The following WDR70 variants were observed in gnomAD, a reference collection of about 807,000 sequenced individuals.
WDR70 encodes the protein WD repeat-containing protein 70.
WDR70 carries 53 observed loss-of-function variants against 88.6 expected under a neutral mutation model. That is an observed-to-expected ratio of 0.60 (90% confidence interval 0.48 to 0.75). The LOEUF (loss-of-function observed/expected upper bound fraction) is 0.75. WDR70 is among the 30% of genes least tolerant of loss of function. The pLI is 0.00. For synonymous variants in WDR70, 280 were observed against 270.0 expected (o/e 1.04, Z -0.36); for missense variants, 610 against 823.2 (o/e 0.74, Z 3.17).
At chr5:37,385,869 T>C (rs1452165540) in intron 3 of WDR70, among the ~76,000 whole-genome samples, 3 of 152,028 alleles carry the variant, frequency 2.0e-5, no homozygotes, top group Admixed American at 6.6e-5. Context: ...AGTGGTGCGA[T>C]CTCGACTCAC....
intron 7 of WDR70, among the ~76,000 whole-genome samples, chr5:37,475,214 C>T (rs1186662194): frequency 1.3e-5 from 2 of 150,914 alleles, no homozygotes; most frequent in South Asian, 4.2e-4. Context: ...GCCACGGTAC[C>T]CATCCTTGTT....
At position 37,573,627 on chromosome 5, in the gene WDR70, G is replaced by A. The variant is rs1385729975; in HGVS notation, c.918-31437G>A. On this transcript the variant is annotated intron_variant, in intron 9 of 17. Coordinates refer to ENST00000265107, the MANE Select transcript of WDR70 (RefSeq NM_018034.4). ...TTCCCACCTATGAATGAGAACATGCGGTGTTTGGTTTTTTGTCCTTGCGAT... is the reference window on the plus strand; with the variant it reads ...TTCCCACCTATGAATGAGAACATGCAGTGTTTGGTTTTTTGTCCTTGCGAT... Among the ~76,000 whole-genome samples, 5 of 148,392 alleles carry A rather than the reference G, an allele frequency of 3.4e-5. 1 individual carries two copies. The highest frequency in any genetic ancestry group is 6.4e-3 in the Middle Eastern group (2 of 312).
rs552593196 is a variant in WDR70, at chr5:37,516,696, G to A, written c.917+106G>A. The A allele has an allele frequency of 1.1e-3, 391 of 359,214 alleles. 5 individuals are homozygous for A. Among genetic ancestry groups the A allele is most frequent in the South Asian group, 6.2e-3 (85 of 13,680 alleles). 22.3% of individuals were successfully genotyped at this position (359,214 alleles called of 1,614,324 possible). ...AGTAATGTAGTAAGTGGAATATTAG[G>A]AATTCTTATTATATACATATATATA... On this transcript the variant is annotated intron_variant, in intron 9 of 17. Coordinates refer to ENST00000265107, the MANE Select transcript of WDR70 (RefSeq NM_018034.4).
At chr5:37,393,527 C>G (rs1748912954) in intron 4 of WDR70, among the ~76,000 whole-genome samples, 1 of 151,654 alleles carries the variant, frequency 6.6e-6, no homozygotes, top group Non-Finnish European at 1.5e-5. Flanking sequence ...GTACTGTTTT[C>G]TTTGTTTTCC....
intron 8 of WDR70, chr5:37,506,145 A>C: frequency 9.3e-7 from 1 of 1,074,366 alleles, no homozygotes; most frequent in Admixed American, 1.7e-5. Flanking sequence ...TTTGAAGTTA[A>C]TGTATCGAAG....
chr5:37,652,184 A>G (rs540075837), intron 10 of WDR70, among the ~76,000 whole-genome samples: 2 of 152,310 alleles, frequency 1.3e-5, no homozygotes, highest in South Asian at 2.1e-4. Context: ...AACACCATTT[A>G]TTACATAGGG....
At chr5:37,657,925 A>G (rs1342657837) in intron 10 of WDR70, among the ~76,000 whole-genome samples, 1 of 152,246 alleles carries the variant, frequency 6.6e-6, no homozygotes, top group Non-Finnish European at 1.5e-5. Flanking sequence ...CGCAGAAATT[A>G]ACCTCTAGTA....
At chr5:37,519,311 C>T (rs560231235) in intron 9 of WDR70, among the ~76,000 whole-genome samples, 24 of 149,520 alleles carry the variant, frequency 1.6e-4, no homozygotes, top group Admixed American at 4.7e-4. Context: ...AGAAGATGGG[C>T]GGCTGGGCAG....
At chr5:37,497,673 TTTAA>T (rs1178391133) in intron 8 of WDR70, among the ~76,000 whole-genome samples, 1 of 152,124 alleles carries the variant, frequency 6.6e-6, no homozygotes, top group African/African-American at 2.4e-5. Flanking sequence ...TTTCTCTTTT[TTTAA>T]TTAATTATTT....
chr5:37,560,033 T>A (rs554638334), intron 9 of WDR70, among the ~76,000 whole-genome samples: 41 of 152,252 alleles, frequency 2.7e-4, no homozygotes, highest in African/African-American at 9.1e-4. Flanking sequence ...ATTTTTAATG[T>A]TTTTTAGAAT....
chr5:37,381,946 G>A (rs1748438284), intron 3 of WDR70: 6 of 333,344 alleles, frequency 1.8e-5, no homozygotes, highest in Admixed American at 3.8e-5. Flanking sequence ...CCAGCTAGTC[G>A]TGAGGCTGAG....
At position 37,643,453 on chromosome 5, in the gene WDR70, C is replaced by A. The variant is rs181888957; in HGVS notation, c.1092+38215C>A. Among the ~76,000 whole-genome samples the A allele has an allele frequency of 1.6e-3, 238 of 148,676 alleles. 1 individual carries two copies. The highest frequency in any genetic ancestry group is 2.4e-3 in the Admixed American group (36 of 14,932). Reference sequence around the variant, plus strand: ...GTTTTCTTCTTTTTGTTTAGGATAGCTTTGGCTATTCTGAGTTTTTTGTGG... The same window carrying A: ...GTTTTCTTCTTTTTGTTTAGGATAGATTTGGCTATTCTGAGTTTTTTGTGG... On this transcript the variant is annotated intron_variant, in intron 10 of 17. Transcript: ENST00000265107.
intron 10 of WDR70, among the ~76,000 whole-genome samples, chr5:37,678,600 C>T (rs1281923607): frequency 2.7e-5 from 4 of 149,472 alleles, no homozygotes; most frequent in African/African-American, 9.8e-5. Flanking sequence ...CCGAGAGATC[C>T]GCTGTTAGTC....
chr5:37,435,860 C>G (rs925848988), intron 5 of WDR70, among the ~76,000 whole-genome samples: 8 of 152,124 alleles, frequency 5.3e-5, no homozygotes, highest in African/African-American at 1.9e-4. Flanking sequence ...ATTTCTAAAA[C>G]CTCTCTGTGT....
At chr5:37,736,552 G>GT (rs1010688134) in intron 17 of WDR70, among the ~76,000 whole-genome samples, 10 of 151,346 alleles carry the variant, frequency 6.6e-5, no homozygotes, top group African/African-American at 2.4e-4. Flanking sequence ...GTATTCCTGT[G>GT]TAGAAGCCAA....
At chr5:37,666,987 A>G (rs1745859594) in intron 10 of WDR70, among the ~76,000 whole-genome samples, 1 of 152,142 alleles carries the variant, frequency 6.6e-6, no homozygotes. Context: ...TGAGTGTCCA[A>G]TACATGTTTT....
chr5:37,499,021 T>C (rs1355642756), intron 8 of WDR70, among the ~76,000 whole-genome samples: 2 of 152,218 alleles, frequency 1.3e-5, no homozygotes, highest in African/African-American at 4.8e-5. Flanking sequence ...TTTGGTAGTT[T>C]AGCCATTCAA....
At chr5:37,505,792 A>G in intron 8 of WDR70, 1 of 1,396,444 alleles carries the variant, frequency 7.2e-7, no homozygotes, top group South Asian at 1.2e-5. Flanking sequence ...TCACACCCAG[A>G]CAGATCACAG....
intron 5 of WDR70, among the ~76,000 whole-genome samples, chr5:37,421,919 A>G (rs1749958342): frequency 6.6e-6 from 1 of 151,602 alleles, no homozygotes; most frequent in Non-Finnish European, 1.5e-5. Flanking sequence ...TTGTAAAAGA[A>G]AGTCTTCTCC....
Sources: gnomAD v4.1 joint callset for allele counts (sites outside exome capture counted in the v4.1 genomes callset) on GRCh38, gnomAD v4.1.1 for gene constraint, MANE v1.5 for transcripts, NCBI Gene and HGNC (gene_info 2026-07-23, HGNC 2026-07-21) for gene names.